PCYT1B: variants seen among roughly 807,000 people sequenced by gnomAD.
PCYT1B encodes the protein choline-phosphate cytidylyltransferase B.
In PCYT1B, 10 loss-of-function variants were observed where a neutral mutation model predicts 26.4. The observed-to-expected ratio is 0.38, with a 90% confidence interval of 0.23 to 0.64. The LOEUF (loss-of-function observed/expected upper bound fraction) is 0.64, where lower values mean the gene tolerates loss of function less well. PCYT1B is among the 30% of genes least tolerant of loss of function. The pLI, the probability that PCYT1B is intolerant of heterozygous loss-of-function variation, is 0.56. For synonymous variants in PCYT1B, 131 were observed against 108.4 expected, an observed-to-expected ratio of 1.21 and a Z score of -1.29; for missense variants, 161 against 292.7, an observed-to-expected ratio of 0.55 and a Z score of 3.28.
upstream of PCYT1B, among the ~76,000 whole-genome samples, chrX:24,651,066 T>C (rs111684828): frequency 0.04 from 4,492 of 111,099 alleles, 247 homozygotes; most frequent in African/African-American, 0.14. Context: ...GAAAAAAGCA[T>C]TGGAAGGAAA....
At chrX:24,644,617 C>G (rs768718523) in intron 1 of PCYT1B, among the ~76,000 whole-genome samples, 1 of 111,757 alleles carries the variant, frequency 8.9e-6, no homozygotes, top group Non-Finnish European at 1.9e-5. Flanking sequence ...CCCTTCAAAG[C>G]AGTGTGACCC....
At chrX:24,604,541 GGT>G (rs1305138463) in intron 3 of PCYT1B, among the ~76,000 whole-genome samples, 1 of 111,817 alleles carries the variant, frequency 8.9e-6, no homozygotes, top group Admixed American at 9.5e-5. Context: ...GCCCATGGTT[GGT>G]GTTTTTCTTG....
At chrX:24,576,444 C>T (rs1198702037) in intron 6 of PCYT1B, among the ~76,000 whole-genome samples, 1 of 111,262 alleles carries the variant, frequency 9.0e-6, no homozygotes, top group Non-Finnish European at 1.9e-5. Context: ...GCTGGAATAA[C>T]AGGCACACAC....
chrX:24,610,293 T>C (rs1925269732), intron 2 of PCYT1B, among the ~76,000 whole-genome samples: 1 of 111,883 alleles, frequency 8.9e-6, no homozygotes, highest in South Asian at 3.7e-4. Flanking sequence ...ATGTTTCTAA[T>C]AAATTAAATT....
At chrX:24,613,609 C>G (rs1235482941) in intron 2 of PCYT1B, among the ~76,000 whole-genome samples, 3 of 111,272 alleles carry the variant, frequency 2.7e-5, no homozygotes, top group Non-Finnish European at 5.7e-5. Context: ...ATACAAACTT[C>G]CTTTTTGAAA....
In PCYT1B at chrX:24,586,159, G is replaced by A. The variant is rs768509772; in HGVS notation, c.565+1082C>T. Among the ~76,000 whole-genome samples the A allele has an allele frequency of 5.3e-5, 6 of 112,483 alleles. No individual in the cohort carries two copies. The South Asian group carries it at 2.2e-3, about 41-fold the overall frequency. Reference sequence around the variant, plus strand: ...TGTCTGTCTCTGCTCTCTCTCAAGGGTGAGGTCTATGTCTTATTCATTTTC... The same window carrying A: ...TGTCTGTCTCTGCTCTCTCTCAAGGATGAGGTCTATGTCTTATTCATTTTC... On this transcript the variant is annotated intron_variant, in intron 5 of 7. Transcript: ENST00000379144.
chrX:24,604,585 T>C (rs145063382), intron 3 of PCYT1B, among the ~76,000 whole-genome samples: 317 of 111,642 alleles, frequency 2.8e-3, no homozygotes, highest in African/African-American at 9.9e-3. Context: ...CACTGTGTTG[T>C]GCAGGCTGGA....
chrX:24,645,959 T>C (rs1926610969), intron 1 of PCYT1B, among the ~76,000 whole-genome samples: 1 of 112,038 alleles, frequency 8.9e-6, no homozygotes, highest in African/African-American at 3.2e-5. Context: ...CAGAAAATGC[T>C]ACATCACAAA....
rs1323247797 is a variant in PCYT1B at position 24,647,342 on chromosome X, G to C, written c.-237C>G. The C allele has an allele frequency of 1.1e-5, 10 of 913,640 alleles. No homozygotes were observed. The highest frequency in any genetic ancestry group is 1.4e-5 in the Non-Finnish European group (10 of 725,485). The allele number at this position is 913,640 out of a possible 1,213,427, so 75.3% of individuals were successfully genotyped here. The stretch of plus-strand genomic sequence containing the variant: ...CAGTTTATCACTATAACAACCAGAC[G>C]ACACTGAAGCGGCTGGTGCGGGATA... On this transcript the variant is annotated 5_prime_UTR_variant, in exon 1 of 8. Coordinates refer to ENST00000379144, the MANE Select transcript of PCYT1B (RefSeq NM_004845.5).
chrX:24,580,877 G>A (rs753769904), intron 5 of PCYT1B, among the ~76,000 whole-genome samples: 53 of 111,421 alleles, frequency 4.8e-4, no homozygotes, highest in African/African-American at 1.6e-3. Context: ...CTCTGAAGGC[G>A]AGTTACTTAA....
intron 1 of PCYT1B, among the ~76,000 whole-genome samples, chrX:24,656,532 T>TC (rs1056619709): frequency 5.4e-5 from 5 of 92,724 alleles, no homozygotes; most frequent in African/African-American, 2.0e-4. Context: ...GCTCCAATAT[T>TC]CTTTTTTTTC....
intron 4 of PCYT1B, among the ~76,000 whole-genome samples, chrX:24,588,687 G>A (rs1310771193): frequency 9.0e-6 from 1 of 111,162 alleles, no homozygotes; most frequent in Non-Finnish European, 1.9e-5. Flanking sequence ...CTTTGGTGTC[G>A]GGAGTTGTCC....
At chrX:24,624,070 T>C (rs61760942) in intron 1 of PCYT1B, among the ~76,000 whole-genome samples, 4,571 of 106,561 alleles carry the variant, frequency 0.043, 135 homozygotes, top group Non-Finnish European at 0.068. Flanking sequence ...CCCGGGTTCA[T>C]GCCATTCTCC....
At chrX:24,591,618 TCA>T (rs1434624995) in intron 3 of PCYT1B, among the ~76,000 whole-genome samples, 1 of 110,423 alleles carries the variant, frequency 9.1e-6, no homozygotes, top group Non-Finnish European at 1.9e-5. Flanking sequence ...AGATGGGTTT[TCA>T]CCATGTTGGC....
chrX:24,622,588 G>C (rs1349147837), intron 1 of PCYT1B, among the ~76,000 whole-genome samples: 2 of 112,326 alleles, frequency 1.8e-5, no homozygotes, highest in Non-Finnish European at 3.8e-5. Flanking sequence ...TAAGGTAATA[G>C]CTAAATCTTT....
At chrX:24,662,447 T>A (rs1310871126) in intron 1 of PCYT1B, among the ~76,000 whole-genome samples, 1 of 111,183 alleles carries the variant, frequency 9.0e-6, no homozygotes, top group Non-Finnish European at 1.9e-5. Context: ...AGGACAATCG[T>A]CCACTGTAAG....
intron 1 of PCYT1B, among the ~76,000 whole-genome samples, chrX:24,628,238 G>A (rs1400849959): frequency 6.3e-5 from 7 of 111,423 alleles, no homozygotes; most frequent in Admixed American, 1.9e-4. Context: ...GTATATTTAA[G>A]CTCCGTCTCT....
chrX:24,590,458 CTTT>C (rs997138760), intron 3 of PCYT1B, among the ~76,000 whole-genome samples: 3 of 111,901 alleles, frequency 2.7e-5, no homozygotes, highest in Non-Finnish European at 5.6e-5. Flanking sequence ...ACTTTCATAT[CTTT>C]TTATTTTCCT....
rs979396807 is a variant in PCYT1B, at chrX:24,592,437, C to T, written c.335-2263G>A. On this transcript the variant is annotated intron_variant, in intron 3 of 7. Coordinates refer to ENST00000379144, the MANE Select transcript of PCYT1B (RefSeq NM_004845.5). ...CCCTTCACATAATCCACACCCAAGC[C>T]ATCAGGAAAACTGCAGGCTCTGCCT... Among the ~76,000 whole-genome samples the T allele has an allele frequency of 3.6e-5, 4 of 111,405 alleles. No individual in the cohort carries two copies. In the East Asian group the frequency reaches 1.1e-3, roughly 32 times the overall value.
Sources: allele counts gnomAD v4.1 joint callset (sites outside exome capture counted in the v4.1 genomes callset), GRCh38; gene constraint gnomAD v4.1.1; transcripts MANE v1.5; gene names NCBI Gene and HGNC (gene_info 2026-07-23, HGNC 2026-07-21).